Variants in ZBTB16 observed in about 807,000 individuals in gnomAD.
ZBTB16 encodes zinc finger and BTB domain-containing protein 16.
In ZBTB16, 8 loss-of-function variants were observed where a neutral mutation model predicts 56.8. The observed-to-expected ratio is 0.14, with a 90% confidence interval of 0.08 to 0.25. The LOEUF (loss-of-function observed/expected upper bound fraction) is 0.25. Among genes scored for constraint, ZBTB16 ranks in the 10% least tolerant of loss-of-function variants. The pLI, the probability that ZBTB16 is intolerant of heterozygous loss-of-function variation, is 1.00. For missense variants in ZBTB16, 625 were observed against 903.0 expected, an observed-to-expected ratio of 0.69 and a Z score of 3.95; for synonymous variants, 363 against 368.5, an observed-to-expected ratio of 0.98 and a Z score of 0.17.
At chr11:114,101,736 T>C (rs1232147940) in intron 2 of ZBTB16, among the ~76,000 whole-genome samples, 1 of 152,234 alleles carries the variant, frequency 6.6e-6, no homozygotes, top group Admixed American at 6.5e-5. Context: ...CTGGCTATTA[T>C]TGGAGTGCCC....
At chr11:114,159,398 G>A (rs1428129564) in intron 3 of ZBTB16, among the ~76,000 whole-genome samples, 1 of 152,216 alleles carries the variant, frequency 6.6e-6, no homozygotes, top group Non-Finnish European at 1.5e-5. Context: ...ATGATTTGAT[G>A]ATTAGGCAGG....
Position 114,255,718 on chromosome 11 carries a change from TAAAAAA to T in ZBTB16, c.*5173_*5178del, listed in dbSNP as rs10576984. 7.0e-6 allele frequency among the ~76,000 whole-genome samples: 1 copy of T among 143,274 alleles called. No homozygotes were observed. Among genetic ancestry groups the T allele is most frequent in the Non-Finnish European group, 1.5e-5 (1 of 66,284 alleles). The allele number at this position is 143,274 out of a possible 152,430, so 94.0% of individuals were successfully genotyped here. On this transcript the variant is annotated 3_prime_UTR_variant, in exon 7 of 7. Transcript: ENST00000335953. ...TAATTTCAGTGTTTCTGACAAGATT[TAAAAAA>T]AAAAAAAAAGGAAAAAAAAAGAAAA...
At chr11:114,100,715 A>C (rs1035615400) in intron 2 of ZBTB16, among the ~76,000 whole-genome samples, 4 of 152,020 alleles carry the variant, frequency 2.6e-5, no homozygotes, top group African/African-American at 9.7e-5. Flanking sequence ...CTCAATGAGG[A>C]CCCTTTTGTG....
rs1247401030 is a variant in ZBTB16 at position 114,255,669 on chromosome 11, C to T, written c.*5114C>T. Among the ~76,000 whole-genome samples the T allele has an allele frequency of 6.8e-6, 1 of 146,680 alleles. No homozygotes were observed. The highest frequency in any genetic ancestry group is 1.5e-5 in the Non-Finnish European group (1 of 67,430). On this transcript the variant is annotated 3_prime_UTR_variant, in exon 7 of 7. Transcript: ENST00000335953. ...CAGCTTTCCGCATCTGCCTTCGTTT[C>T]GTGTAGATTGACGCGTTTCTTTGTA...
At chr11:114,134,839 A>G (rs190179088) in intron 2 of ZBTB16, among the ~76,000 whole-genome samples, 38 of 152,356 alleles carry the variant, frequency 2.5e-4, no homozygotes, top group Admixed American at 1.6e-3. Flanking sequence ...ACTTTAATTA[A>G]GTGCCTATTG....
At chr11:114,088,351 A>T (rs989667277) in intron 2 of ZBTB16, among the ~76,000 whole-genome samples, 8 of 152,078 alleles carry the variant, frequency 5.3e-5, no homozygotes, top group Non-Finnish European at 1.0e-4. Flanking sequence ...CATGCTGGCC[A>T]GGCTGGTCCC....
chr11:114,122,373 G>C (rs1185856715), intron 2 of ZBTB16, among the ~76,000 whole-genome samples: 1 of 152,210 alleles, frequency 6.6e-6, no homozygotes, highest in Non-Finnish European at 1.5e-5. Flanking sequence ...CACATTTACT[G>C]TGGGGGTAGG....
chr11:114,225,291 C>G (rs1565695480), intron 4 of ZBTB16, among the ~76,000 whole-genome samples: 1 of 152,096 alleles, frequency 6.6e-6, no homozygotes, highest in East Asian at 1.9e-4. Flanking sequence ...AGATAGAGCT[C>G]TTCTTGGTGA....
intron 4 of ZBTB16, among the ~76,000 whole-genome samples, chr11:114,224,863 G>A (rs1463048990): frequency 6.6e-6 from 1 of 152,212 alleles, no homozygotes; most frequent in Non-Finnish European, 1.5e-5. Flanking sequence ...AAAAATGTCT[G>A]TTGCTCTTAG....
chr11:114,236,861 T>C (rs1449382854), intron 4 of ZBTB16, among the ~76,000 whole-genome samples: 2 of 152,154 alleles, frequency 1.3e-5, no homozygotes, highest in Non-Finnish European at 1.5e-5. Flanking sequence ...GAGCTGAAAG[T>C]CCAAAATAAA....
intron 4 of ZBTB16, among the ~76,000 whole-genome samples, chr11:114,236,898 A>G (rs1441897481): frequency 2.6e-5 from 4 of 152,246 alleles, no homozygotes; most frequent in African/African-American, 9.6e-5. Context: ...ACGTGATACA[A>G]CAGAGCTCAG....
At chr11:114,120,484 T>G (rs1434705059) in intron 2 of ZBTB16, among the ~76,000 whole-genome samples, 1 of 152,196 alleles carries the variant, frequency 6.6e-6, no homozygotes, top group Non-Finnish European at 1.5e-5. Context: ...TCTCATCCTT[T>G]AAAGCCGAAT....
At chr11:114,076,974 G>C (rs77703102) in intron 2 of ZBTB16, among the ~76,000 whole-genome samples, 7 of 152,266 alleles carry the variant, frequency 4.6e-5, no homozygotes, top group South Asian at 4.1e-4. Flanking sequence ...CAACGGCTGG[G>C]GGGGAGAATA....
At chr11:114,238,883 T>C (rs1460724066) in intron 4 of ZBTB16, among the ~76,000 whole-genome samples, 2 of 152,096 alleles carry the variant, frequency 1.3e-5, no homozygotes, top group East Asian at 3.9e-4. Context: ...ACTCAACTTT[T>C]AAAAGCCTAA....
chr11:114,112,969 C>T (rs1486286844), intron 2 of ZBTB16, among the ~76,000 whole-genome samples: 7 of 152,076 alleles, frequency 4.6e-5, no homozygotes, highest in Non-Finnish European at 1.0e-4. Context: ...GATGGGATCT[C>T]ACTGCATTGC....
At chr11:114,127,017 G>A (rs1303374291) in intron 2 of ZBTB16, among the ~76,000 whole-genome samples, 1 of 152,170 alleles carries the variant, frequency 6.6e-6, no homozygotes, top group African/African-American at 2.4e-5. Flanking sequence ...TGGAGCAGAG[G>A]TTAGGGAATG....
Position 114,064,265 on chromosome 11 carries a change from A to G in ZBTB16, c.965A>G (p.His322Arg), listed in dbSNP as rs1476801173. 6.2e-7 allele frequency: 1 copy of G among 1,613,974 alleles called. No homozygotes were observed. The highest frequency in any genetic ancestry group is 2.2e-5 in the East Asian group (1 of 44,874). ...CAGGCCCCCACTGGCCGACCTGAGCACCCAGCACCCCCGCCTGAGAAGCAT... is the reference window on the plus strand; with the variant it reads ...CAGGCCCCCACTGGCCGACCTGAGCGCCCAGCACCCCCGCCTGAGAAGCAT... ...AGQAPTGRPEHPAPPPEKHLG... is the reference protein window; with the variant it reads ...AGQAPTGRPERPAPPPEKHLG... The change falls in exon 2 of 7, where the codon CAC becomes CGC. Residue 322 changes from histidine (H) to arginine (R), a missense_variant. His to Arg is a conservative substitution (Grantham distance 29, BLOSUM62 0). Coordinates refer to ENST00000335953, the MANE Select transcript of ZBTB16 (RefSeq NM_006006.6). This position sits in a 1 kb window ranked among gnomAD's most constrained non-coding sequence, Gnocchi z 4.2.
intron 2 of ZBTB16, among the ~76,000 whole-genome samples, chr11:114,120,861 G>T (rs1366443807): frequency 6.6e-6 from 1 of 152,174 alleles, no homozygotes; most frequent in East Asian, 1.9e-4. Flanking sequence ...GGGCAGCGTG[G>T]ATGCTGGACC....
intron 2 of ZBTB16, among the ~76,000 whole-genome samples, chr11:114,098,342 C>T (rs1940491918): frequency 6.6e-6 from 1 of 152,068 alleles, no homozygotes; most frequent in Non-Finnish European, 1.5e-5. Flanking sequence ...TATATAGTAC[C>T]AGGCGTGTGG....
Sources: allele counts gnomAD v4.1 joint callset (sites outside exome capture counted in the v4.1 genomes callset), GRCh38; gene constraint gnomAD v4.1.1; non-coding constraint Gnocchi (gnomAD v3.1); transcripts MANE v1.5; gene names NCBI Gene and HGNC (gene_info 2026-07-23, HGNC 2026-07-21).